The following NCOA3 variants were observed in gnomAD, a reference collection of about 807,000 sequenced individuals.
NCOA3 encodes the protein CBP-interacting protein.
NCOA3 carries 51 observed loss-of-function variants against 158.8 expected under a neutral mutation model. The observed-to-expected ratio is 0.32, with a 90% CI of 0.26 to 0.41. NCOA3 has a LOEUF of 0.41. Among genes scored for constraint, NCOA3 ranks in the 10% least tolerant of loss-of-function variants. NCOA3 has a pLI of 1.00. For missense variants in NCOA3, 1,510 were observed against 1,746.6 expected, an observed-to-expected ratio of 0.86 and a Z score of 2.41; for synonymous variants, 537 against 592.4, an observed-to-expected ratio of 0.91 and a Z score of 1.36.
chr20:47,502,036 G>C lies in NCOA3; in HGVS notation c.-99+17G>C, dbSNP rs2083940170. 2.5e-6 allele frequency: 1 copy of C among 399,344 alleles called. No individual in the cohort carries two copies. The highest frequency in any genetic ancestry group is 2.1e-5 in the African/African-American group (1 of 48,620). The allele number at this position is 399,344 out of a possible 1,614,324, so 24.7% of individuals were successfully genotyped here. ...CGGCGGGAGGTGAGTGGAGATAAAG[G>C]AGGAGGCGGTGGCGGGCGAGGGGGT... On this transcript the variant is annotated intron_variant, in intron 1 of 22. Coordinates refer to ENST00000371998, the MANE Select transcript of NCOA3 (RefSeq NM_181659.3).
chr20:47,633,509 T>C lies in NCOA3; in HGVS notation c.837T>C (p.Asn279=). The change falls in exon 9 of 23, where the codon AAT becomes AAC. Residue 279 remains asparagine (N), a synonymous_variant. Transcript: ENST00000371998. ...TRHDLSGKVV[N]IDTNSLRSSM... is the part of the protein sequence containing the mutation. Reference sequence around the variant, plus strand: ...TTTGTTTAATAGGAAAGGTTGTCAATATAGATACAAATTCACTGAGATCCT... The same window carrying C: ...TTTGTTTAATAGGAAAGGTTGTCAACATAGATACAAATTCACTGAGATCCT... The C allele has an allele frequency of 6.2e-7, 1 of 1,610,682 alleles. No homozygotes were observed. Among genetic ancestry groups the C allele is most frequent in the Non-Finnish European group, 8.5e-7 (1 of 1,178,810 alleles).
intron 1 of NCOA3, among the ~76,000 whole-genome samples, chr20:47,577,081 T>A (rs2085383645): frequency 6.6e-6 from 1 of 152,210 alleles, no homozygotes; most frequent in African/African-American, 2.4e-5. Context: ...AAAGCTAATT[T>A]AAAAAAATTT....
At chr20:47,578,427 C>G (rs2085404342) in intron 1 of NCOA3, among the ~76,000 whole-genome samples, 1 of 152,140 alleles carries the variant, frequency 6.6e-6, no homozygotes, top group Non-Finnish European at 1.5e-5. Flanking sequence ...CTCAGGTGAT[C>G]TGCCCACCTC....
rs1568758747 is a variant in NCOA3 at position 47,651,125 on chromosome 20, GCAA to G, written c.3798_3800del (p.Gln1276del). On this transcript the variant is annotated inframe_deletion, in exon 20 of 23. Coordinates refer to ENST00000371998, the MANE Select transcript of NCOA3 (RefSeq NM_181659.3). ...AGCAGCAGCAGCAGCAGCAGCAACA[GCAA>G]CAGCAACAGCAACAGCAGCAACAGC... 8.1e-6 allele frequency: 13 copies of G among 1,609,622 alleles called. No individual in the cohort carries two copies. The East Asian group carries it at 1.6e-4, about 19-fold the overall frequency.
chr20:47,591,347 AT>A (rs2146239391), intron 2 of NCOA3, among the ~76,000 whole-genome samples: 1 of 152,332 alleles, frequency 6.6e-6, no homozygotes, highest in South Asian at 2.1e-4. Flanking sequence ...TGCCCAGAGT[AT>A]TTCATAAATT....
At chr20:47,595,757 A>G (rs2085743967) in intron 2 of NCOA3, among the ~76,000 whole-genome samples, 1 of 151,724 alleles carries the variant, frequency 6.6e-6, no homozygotes, top group Non-Finnish European at 1.5e-5. Context: ...TTCTAGCTCC[A>G]CCACTTACTG....
intron 1 of NCOA3, among the ~76,000 whole-genome samples, chr20:47,558,646 G>A (rs73125838): frequency 0.064 from 9,679 of 152,046 alleles, 466 homozygotes; most frequent in Middle Eastern, 0.17. Context: ...TCTAATGTCA[G>A]TCTCTTTTTT....
chr20:47,528,412 T>C (rs2084491557), intron 1 of NCOA3, among the ~76,000 whole-genome samples: 1 of 152,174 alleles, frequency 6.6e-6, no homozygotes. Flanking sequence ...AATGAAAAAC[T>C]ATGAATATAT....
At chr20:47,511,552 T>TATATATACACACACACATACAC (rs2084139424) in intron 1 of NCOA3, among the ~76,000 whole-genome samples, 1 of 31,258 alleles carries the variant, frequency 3.2e-5, no homozygotes, top group Non-Finnish European at 1.0e-4. Flanking sequence ...TATATATATA[T>TATATATACACACACACATACAC]ATATTTCTTT....
intron 2 of NCOA3, among the ~76,000 whole-genome samples, chr20:47,592,470 C>A (rs1415149467): frequency 6.6e-6 from 1 of 152,216 alleles, no homozygotes; most frequent in Non-Finnish European, 1.5e-5. Context: ...TTTCTGCCAA[C>A]TCAATTTCTA....
intron 2 of NCOA3, among the ~76,000 whole-genome samples, chr20:47,614,971 A>T (rs1351633668): frequency 6.6e-6 from 1 of 152,226 alleles, no homozygotes; most frequent in Non-Finnish European, 1.5e-5. Context: ...GTGATTCAGT[A>T]GTACAAATGG....
chr20:47,636,798 A>T, intron 12 of NCOA3, 36 bp downstream of exon 12: 2 of 1,526,768 alleles, frequency 1.3e-6, no homozygotes, highest in Non-Finnish European at 8.8e-7. Context: ...CTCATATTTC[A>T]TCATTTTTCG....
chr20:47,559,603 C>T (rs962690102), intron 1 of NCOA3, among the ~76,000 whole-genome samples: 10 of 152,098 alleles, frequency 6.6e-5, no homozygotes, highest in Admixed American at 6.6e-5. Flanking sequence ...TTTTCAGGCT[C>T]TGCGTGGTGG....
chr20:47,586,363 C>T (rs1462878528), intron 2 of NCOA3, among the ~76,000 whole-genome samples: 2 of 152,120 alleles, frequency 1.3e-5, no homozygotes, highest in Non-Finnish European at 2.9e-5. Context: ...TCTCTTTTCT[C>T]TTTTTCTACC....
intron 17 of NCOA3, among the ~76,000 whole-genome samples, chr20:47,645,702 T>C (rs936401188): frequency 6.6e-6 from 1 of 152,174 alleles, no homozygotes; most frequent in Admixed American, 6.5e-5. Context: ...AAAGTATAGT[T>C]TGCTTTATTA....
intron 1 of NCOA3, among the ~76,000 whole-genome samples, chr20:47,542,745 T>C (rs1249012546): frequency 6.6e-6 from 1 of 152,150 alleles, no homozygotes; most frequent in Non-Finnish European, 1.5e-5. Flanking sequence ...GTGGATCATT[T>C]GAGCCCCGGA....
chr20:47,605,145 C>T (rs1056863202), intron 2 of NCOA3, among the ~76,000 whole-genome samples: 1 of 152,232 alleles, frequency 6.6e-6, no homozygotes, highest in African/African-American at 2.4e-5. Flanking sequence ...GGATAATAGG[C>T]GTGAGCCACC....
chr20:47,653,335 AT>A, intron 22 of NCOA3, 70 bp from the exon 23 acceptor site: 3 of 1,479,194 alleles, frequency 2.0e-6, no homozygotes, highest in Admixed American at 1.9e-5. Flanking sequence ...GGACATGGGT[AT>A]TTTTTTGTTG....
At chr20:47,614,535 T>G (rs760845825) in intron 2 of NCOA3, among the ~76,000 whole-genome samples, 1 of 152,208 alleles carries the variant, frequency 6.6e-6, no homozygotes, top group Non-Finnish European at 1.5e-5. Flanking sequence ...AATTAGTGTA[T>G]TTAATCATAC....
Sources: allele counts gnomAD v4.1 joint callset (sites outside exome capture counted in the v4.1 genomes callset), GRCh38; gene constraint gnomAD v4.1.1; transcripts MANE v1.5; gene names NCBI Gene and HGNC (gene_info 2026-07-23, HGNC 2026-07-21).